INPP5B: variants seen among roughly 807,000 people sequenced by gnomAD.
INPP5B encodes type II inositol 1,4,5-trisphosphate 5-phosphatase.
Under a neutral mutation model 118.5 loss-of-function variants are expected in INPP5B, and 90 were observed. That is an observed-to-expected ratio of 0.76 (90% CI 0.64 to 0.90). INPP5B has a LOEUF of 0.90. Ranked by LOEUF, INPP5B falls within the 40% of genes least tolerant of loss-of-function variation. The probability of loss-of-function intolerance (pLI) is 0.00; values close to 1 mark genes in which losing one functional copy is unlikely to be tolerated. For synonymous variants in INPP5B, 385 were observed against 418.9 expected (o/e 0.92, Z 0.99); for missense variants, 984 against 1,125.6 (o/e 0.87, Z 1.80).
intron 19 of INPP5B, among the ~76,000 whole-genome samples, chr1:37,869,762 G>A (rs1642293813): frequency 6.6e-6 from 1 of 151,878 alleles, no homozygotes; most frequent in South Asian, 2.1e-4. Context: ...TTACAGGCGT[G>A]AACCACTGCA....
Position 37,861,129 on chromosome 1 carries a change from A to G in INPP5B, c.*1186T>C, listed in dbSNP as rs1023725003. ...CAGGCGTGAGCCACTGTGCCTGGTC[A>G]TTTTAATTTTTTAAATGCCTGTATT... On this transcript the variant is annotated 3_prime_UTR_variant, in exon 24 of 24. Coordinates refer to ENST00000373024, the MANE Select transcript of INPP5B (RefSeq NM_005540.3). The G allele has an allele frequency of 2.6e-5, 4 of 152,180 alleles. No individual in the cohort carries two copies. Among genetic ancestry groups the G allele is most frequent in the Non-Finnish European group, 5.9e-5 (4 of 68,040 alleles). The allele number at this position is 152,180 out of a possible 1,614,324, so 9.4% of individuals were successfully genotyped here.
rs190204689 is a variant in INPP5B, at chr1:37,945,793, C to G, written c.115G>C (p.Val39Leu). 5 of 1,614,036 alleles carry G rather than the reference C, an allele frequency of 3.1e-6. No individual in the cohort carries two copies. The highest frequency in any genetic ancestry group is 4.2e-6 in the Non-Finnish European group (5 of 1,179,996). Residue 39 changes from valine to leucine, a missense_variant, in exon 3 of 24, where the codon GTG (valine) becomes CTG (leucine). Val to Leu is a conservative substitution (Grantham distance 32, BLOSUM62 1). Transcript: ENST00000373024. ...CCGCCGTGCTCCAGGCGGTAGCGCA[C>G]GAGTCCCAGGAGGCGGCTCTGCCGG... ...DSRQSRLLGL[V>L]RYRLEHGGQE...
intron 6 of INPP5B, among the ~76,000 whole-genome samples, chr1:37,934,460 T>C (rs1018897421): frequency 1.3e-5 from 2 of 152,214 alleles, no homozygotes; most frequent in Non-Finnish European, 2.9e-5. Flanking sequence ...GTTTCTCTAA[T>C]AGTAGATTCT....
intron 20 of INPP5B, 132 bp from the exon 21 acceptor site, chr1:37,866,675 G>T (rs906868553): frequency 1.1e-5 from 7 of 661,220 alleles, no homozygotes; most frequent in South Asian, 8.5e-5. Context: ...CCTGACAGAT[G>T]ATCTGATTTA....
In INPP5B at chr1:37,928,064, G is replaced by A. The variant is rs145540131; in HGVS notation, c.532+3849C>T. On this transcript the variant is annotated intron_variant, in intron 7 of 23. Transcript: ENST00000373024. The stretch of plus-strand genomic sequence containing the variant: ...ACGCTACAAGGAACACTGTCCTGCT[G>A]GGCCAACCCTATACTCTCTTACCTC... Among the ~76,000 whole-genome samples the A allele has an allele frequency of 5.5e-4, 84 of 152,236 alleles. 1 individual carries two copies. Among genetic ancestry groups the A allele is most frequent in the East Asian group, 4.3e-3 (22 of 5,174 alleles).
intron 14 of INPP5B, 62 bp from the exon 15 acceptor site, chr1:37,880,256 G>T: frequency 8.2e-7 from 1 of 1,220,128 alleles, no homozygotes; most frequent in South Asian, 1.2e-5. Context: ...TTGAATTAGT[G>T]GAGAAAAGCA....
chr1:37,862,608 T>C (rs1641765753), intron 23 of INPP5B, among the ~76,000 whole-genome samples, 178 bp from the exon 24 acceptor site: 1 of 152,220 alleles, frequency 6.6e-6, no homozygotes, highest in African/African-American at 2.4e-5. Flanking sequence ...TTCTAGATGG[T>C]ATAGTCTATT....
At chr1:37,882,121 A>T (rs1479115983) in intron 14 of INPP5B, among the ~76,000 whole-genome samples, 4 of 152,040 alleles carry the variant, frequency 2.6e-5, no homozygotes, top group Non-Finnish European at 5.9e-5. Flanking sequence ...AAGATAATAG[A>T]AAGATTTAGA....
intron 7 of INPP5B, among the ~76,000 whole-genome samples, chr1:37,921,663 G>A (rs1001752310): frequency 1.1e-4 from 17 of 151,574 alleles, no homozygotes; most frequent in Admixed American, 7.2e-4. Context: ...TCTGGCCAAC[G>A]TGGTGAAACC....
At chr1:37,942,401 T>A (rs1645966508) in intron 5 of INPP5B, 1 of 151,966 alleles carries the variant, frequency 6.6e-6, no homozygotes, top group Non-Finnish European at 1.5e-5. Flanking sequence ...GCCACTGCAC[T>A]CCAGCCTGGG....
In INPP5B at chr1:37,917,264, G is replaced by A. The variant is rs143648166; in HGVS notation, c.532+14649C>T. ...AGATTGTGCCACTGCACTCCTGCCT[G>A]GGTGACAAAGCAAGACTCCGTCTCG... is the stretch of plus-strand genomic sequence containing the variant. On this transcript the variant is annotated intron_variant, in intron 7 of 23. Transcript: ENST00000373024. 8.4e-3 allele frequency among the ~76,000 whole-genome samples: 1,155 copies of A among 137,604 alleles called. 23 individuals are homozygous for A. The highest frequency in any genetic ancestry group is 0.03 in the African/African-American group (1,109 of 37,056). 90.3% of individuals were successfully genotyped at this position (137,604 alleles called of 152,430 possible). A position where few individuals can be genotyped will look rare whatever the true frequency, so the allele number is the denominator to read the frequency against.
At chr1:37,884,301 A>G (rs1042416267) in intron 13 of INPP5B, 2 of 152,048 alleles carry the variant, frequency 1.3e-5, no homozygotes, top group African/African-American at 4.8e-5. Context: ...GCTCAAAATA[A>G]ACTTTTCCTT....
intron 7 of INPP5B, among the ~76,000 whole-genome samples, chr1:37,895,067 T>C (rs1643975912): frequency 6.6e-6 from 1 of 152,172 alleles, no homozygotes; most frequent in African/African-American, 2.4e-5. Flanking sequence ...TTACTCTCAC[T>C]GAGCTATAAT....
In INPP5B at chr1:37,947,047, T is replaced by C. The variant is rs2148708461; in HGVS notation, c.-84A>G. 1 of 152,278 alleles carries C rather than the reference T, an allele frequency of 6.6e-6. No individual in the cohort carries two copies. Among genetic ancestry groups the C allele is most frequent in the South Asian group, 2.1e-4 (1 of 4,822 alleles). The allele number at this position is 152,278 out of a possible 1,614,324, so 9.4% of individuals were successfully genotyped here. A position where few individuals can be genotyped will look rare whatever the true frequency, so the allele number is the denominator to read the frequency against. The stretch of plus-strand genomic sequence containing the variant: ...TCCGCTGCCCCAGGTTCCGGGACAG[T>C]GACTACATTTCCCAACAGCCCCTGC... On this transcript the variant is annotated 5_prime_UTR_variant, in exon 1 of 24. Coordinates refer to ENST00000373024, the MANE Select transcript of INPP5B (RefSeq NM_005540.3).
intron 19 of INPP5B, 106 bp from the exon 20 acceptor site, chr1:37,868,720 C>A: frequency 1.4e-6 from 1 of 722,736 alleles, no homozygotes. Flanking sequence ...ATTCCACTGC[C>A]CCTAACCACG....
chr1:37,883,277 A>G, intron 13 of INPP5B: 1 of 985,342 alleles, frequency 1.0e-6, no homozygotes, highest in South Asian at 4.7e-5. Context: ...AGAGATCCCA[A>G]ATCAGATGAT....
chr1:37,934,099 A>G (rs1424849380), intron 6 of INPP5B, among the ~76,000 whole-genome samples: 2 of 151,686 alleles, frequency 1.3e-5, no homozygotes, highest in African/African-American at 4.8e-5. Context: ...ACGCCTGGCT[A>G]ATTTTTGTAT....
At chr1:37,944,413 T>G (rs1286204849) in intron 3 of INPP5B, among the ~76,000 whole-genome samples, 1 of 152,056 alleles carries the variant, frequency 6.6e-6, no homozygotes, top group Non-Finnish European at 1.5e-5. Context: ...TTTTTTTATT[T>G]ATTATATTTT....
At chr1:37,895,223 T>C (rs930900514) in intron 7 of INPP5B, among the ~76,000 whole-genome samples, 3 of 152,234 alleles carry the variant, frequency 2.0e-5, no homozygotes, top group African/African-American at 7.2e-5. Context: ...CATCCATTGA[T>C]AGTAGGCATG....
Sources: allele counts gnomAD v4.1 joint callset (sites outside exome capture counted in the v4.1 genomes callset), GRCh38; gene constraint gnomAD v4.1.1; transcripts MANE v1.5; gene names NCBI Gene and HGNC (gene_info 2026-07-23, HGNC 2026-07-21).